The following RP1 variants were observed in gnomAD, a reference collection of about 807,000 sequenced individuals.
RP1 encodes the protein RP1 axonemal microtubule associated.
RP1 carries 16 observed loss-of-function variants against 14.8 expected under a neutral mutation model. That is an observed-to-expected ratio of 1.08 (90% CI 0.73 to 1.65). The LOEUF is 1.65. Among genes scored for constraint, RP1 ranks in the 40% most tolerant of loss-of-function variants. The probability of loss-of-function intolerance (pLI) is 0.00; values close to 1 mark genes in which losing one functional copy is unlikely to be tolerated. For missense variants in RP1, 2,631 were observed against 2,535.0 expected (o/e 1.04, Z -0.81); for synonymous variants, 876 against 883.6 (o/e 0.99, Z 0.15).
chr8:54,624,923 A>G lies in RP1; in HGVS notation c.1041A>G (p.Ile347Met). 2 of 1,614,162 alleles carry G rather than the reference A, an allele frequency of 1.2e-6. No individual in the cohort carries two copies. Residue 347 changes from isoleucine (I) to methionine (M), a missense_variant, in exon 4 of 4, where the codon ATA (isoleucine) becomes ATG (methionine). Ile to Met is a conservative substitution (Grantham distance 10, BLOSUM62 1). Coordinates refer to ENST00000220676, the MANE Select transcript of RP1 (RefSeq NM_006269.2). Reference protein sequence around the residue: ...VRFRIKEEETIKWTTTVSKTG... With the variant: ...VRFRIKEEETMKWTTTVSKTG... ...TCAGAATAAAAGAGGAAGAAACCAT[A>G]AAATGGACAACTACTGTCAGTAAAA...
At chr8:54,760,363 C>T (rs1304292452) in intron 22 of RP1, among the ~76,000 whole-genome samples, 2 of 152,216 alleles carry the variant, frequency 1.3e-5, no homozygotes, top group Admixed American at 1.3e-4. Flanking sequence ...AACTTCCAAG[C>T]TAGCCCTTCT....
At chr8:54,686,214 G>C (rs952515971) in intron 12 of RP1, among the ~76,000 whole-genome samples, 1 of 152,038 alleles carries the variant, frequency 6.6e-6, no homozygotes, top group Non-Finnish European at 1.5e-5. Context: ...TTACTTGCAG[G>C]ATTATTTCCT....
chr8:54,723,777 G>A (rs1203857337), intron 16 of RP1, among the ~76,000 whole-genome samples: 1 of 152,208 alleles, frequency 6.6e-6, no homozygotes, highest in Non-Finnish European at 1.5e-5. Flanking sequence ...AATATAACAT[G>A]TAACTTTTTG....
At chr8:54,804,204 T>C (rs1810791481) in intron 24 of RP1, among the ~76,000 whole-genome samples, 1 of 152,138 alleles carries the variant, frequency 6.6e-6, no homozygotes, top group South Asian at 2.1e-4. Context: ...ATAAACTTTG[T>C]TTTGCAACTC....
chr8:54,768,191 A>G (rs1462374481), intron 22 of RP1, among the ~76,000 whole-genome samples: 1 of 152,154 alleles, frequency 6.6e-6, no homozygotes, highest in African/African-American at 2.4e-5. Context: ...GTCTCTCTCT[A>G]CGGTGCCCAT....
chr8:54,559,485 C>G (rs2129289521), intron 1 of RP1, among the ~76,000 whole-genome samples: 1 of 152,170 alleles, frequency 6.6e-6, no homozygotes, highest in Non-Finnish European at 1.5e-5. Flanking sequence ...GATGGTAAAG[C>G]AAGCAGTGGA....
At chr8:54,605,538 G>A (rs2129307039) in intron 1 of RP1, among the ~76,000 whole-genome samples, 1 of 152,106 alleles carries the variant, frequency 6.6e-6, no homozygotes, top group Non-Finnish European at 1.5e-5. Flanking sequence ...GGAGAGTTCT[G>A]CAGATGTCTA....
intron 19 of RP1, among the ~76,000 whole-genome samples, chr8:54,750,249 T>C (rs1364393228): frequency 6.6e-6 from 1 of 152,184 alleles, no homozygotes; most frequent in African/African-American, 2.4e-5. Context: ...ACAATAAACA[T>C]GTGTTGAGCA....
chr8:54,663,636 T>A, intron 6 of RP1: 2 of 1,364,166 alleles, frequency 1.5e-6, no homozygotes, highest in Non-Finnish European at 1.9e-6. Context: ...GAGATTTCTG[T>A]ATGTAATTTT....
chr8:54,696,801 A>C, intron 12 of RP1: 3 of 728,658 alleles, frequency 4.1e-6, no homozygotes, highest in Non-Finnish European at 7.5e-6. Context: ...CGTATAGTGG[A>C]ACGTTATGTG....
downstream of RP1, among the ~76,000 whole-genome samples, chr8:54,770,354 G>T (rs2129374674): frequency 6.6e-6 from 1 of 151,858 alleles, no homozygotes; most frequent in African/African-American, 2.4e-5. Context: ...AGCAACTTTA[G>T]CTCCAAATGC....
chr8:54,843,496 C>T (rs1254658048), intron 25 of RP1, among the ~76,000 whole-genome samples: 2 of 152,158 alleles, frequency 1.3e-5, no homozygotes, highest in African/African-American at 4.8e-5. Context: ...TCAGTGCAGA[C>T]TGGAACTGAA....
intron 2 of RP1, 112 bp downstream of exon 2, chr8:54,621,693 G>C: frequency 6.8e-7 from 1 of 1,478,274 alleles, no homozygotes; most frequent in South Asian, 1.1e-5. Context: ...CTTCCTCCCT[G>C]CCTGTGTATG....
intron 1 of RP1, among the ~76,000 whole-genome samples, chr8:54,589,602 C>T (rs967204954): frequency 6.6e-6 from 1 of 152,156 alleles, no homozygotes; most frequent in Non-Finnish European, 1.5e-5. Context: ...TATTCCTAAT[C>T]ATGTGACTGT....
intron 23 of RP1, among the ~76,000 whole-genome samples, chr8:54,778,173 A>G (rs1003118543): frequency 6.6e-6 from 1 of 152,116 alleles, no homozygotes; most frequent in African/African-American, 2.4e-5. Flanking sequence ...CCCTTCAGGG[A>G]CTTACAATCT....
chr8:54,669,527 G>A (rs1807098056), intron 7 of RP1, among the ~76,000 whole-genome samples: 1 of 152,148 alleles, frequency 6.6e-6, no homozygotes, highest in African/African-American at 2.4e-5. Context: ...CCATTACTGG[G>A]TATATACCCA....
At chr8:54,781,429 T>G (rs886605342) in intron 23 of RP1, among the ~76,000 whole-genome samples, 2 of 152,176 alleles carry the variant, frequency 1.3e-5, no homozygotes, top group African/African-American at 4.8e-5. Flanking sequence ...TAAGGAAACG[T>G]ATAGATAAAA....
intron 7 of RP1, among the ~76,000 whole-genome samples, chr8:54,672,017 T>G (rs1585595630): frequency 6.6e-6 from 1 of 152,160 alleles, no homozygotes; most frequent in Admixed American, 6.6e-5. Context: ...TTGGGACCTC[T>G]CAAACCTTTT....
intron 21 of RP1, among the ~76,000 whole-genome samples, chr8:54,756,114 G>A (rs1348499815): frequency 6.6e-6 from 1 of 152,146 alleles, no homozygotes; most frequent in African/African-American, 2.4e-5. Context: ...TAAAAGATAA[G>A]GCCATAGAAA....
Sources: gnomAD v4.1 joint callset for allele counts (sites outside exome capture counted in the v4.1 genomes callset) on GRCh38, gnomAD v4.1.1 for gene constraint, MANE v1.5 for transcripts, NCBI Gene and HGNC (gene_info 2026-07-23, HGNC 2026-07-21) for gene names.